Variants in CCSER1 observed in about 807,000 individuals in gnomAD.
CCSER1 encodes the protein serine-rich coiled-coil domain-containing protein 1.
A neutral mutation model predicts 82.0 loss-of-function variants in CCSER1; 41 were observed. The observed-to-expected ratio is 0.50, with a 90% CI of 0.39 to 0.65. The LOEUF (loss-of-function observed/expected upper bound fraction) is 0.65, where lower values mean the gene tolerates loss of function less well. CCSER1 is among the 30% of genes least tolerant of loss of function. The pLI is 0.00. For missense variants in CCSER1, 1,119 were observed against 1,064.2 expected (o/e 1.05, Z -0.72); for synonymous variants, 414 against 383.9 (o/e 1.08, Z -0.92).
intron 7 of CCSER1, among the ~76,000 whole-genome samples, chr4:90,758,357 GA>G (rs76308192): frequency 0.059 from 9,040 of 152,052 alleles, 296 homozygotes; most frequent in East Asian, 0.15. Context: ...GCTAATGGGG[GA>G]AATAACAGTA....
At chr4:90,997,394 G>T (rs1041221275) in intron 9 of CCSER1, among the ~76,000 whole-genome samples, 3 of 152,076 alleles carry the variant, frequency 2.0e-5, no homozygotes. Flanking sequence ...GTATTCTTGT[G>T]AACACTTTGG....
chr4:90,589,044 A>T lies in CCSER1; in HGVS notation c.1725-38981A>T, dbSNP rs1215413959. Among the ~76,000 whole-genome samples, 4 of 152,312 alleles carry T rather than the reference A, an allele frequency of 2.6e-5. No homozygotes were observed. The East Asian group carries it at 7.7e-4, about 29-fold the overall frequency. Reference sequence around the variant, plus strand: ...AATGGAGTCCCTATCCATAAAATTGATTACAATCTAATATGGATTTGTGCA... The same window carrying T: ...AATGGAGTCCCTATCCATAAAATTGTTTACAATCTAATATGGATTTGTGCA... On this transcript the variant is annotated intron_variant, in intron 5 of 10. Transcript: ENST00000509176.
chr4:91,456,535 C>G (rs1340137474), intron 10 of CCSER1, among the ~76,000 whole-genome samples: 1 of 151,862 alleles, frequency 6.6e-6, no homozygotes, highest in Non-Finnish European at 1.5e-5. Context: ...AACTTGAAAG[C>G]CATATTTGCC....
intron 10 of CCSER1, among the ~76,000 whole-genome samples, chr4:91,472,793 G>T (rs545382102): frequency 2.0e-5 from 3 of 152,134 alleles, no homozygotes; most frequent in Non-Finnish European, 4.4e-5. Flanking sequence ...ACAATAGTGT[G>T]TCAGGAGACT....
intron 8 of CCSER1, among the ~76,000 whole-genome samples, chr4:90,851,301 C>CA (rs1763856011): frequency 6.6e-6 from 1 of 152,130 alleles, no homozygotes; most frequent in Non-Finnish European, 1.5e-5. Flanking sequence ...AGCCAAAACA[C>CA]AAAAGAACTC....
intron 10 of CCSER1, among the ~76,000 whole-genome samples, chr4:91,455,366 A>G (rs1053634429): frequency 6.6e-6 from 1 of 152,104 alleles, no homozygotes; most frequent in South Asian, 2.1e-4. Context: ...TAGCATTAAC[A>G]GGTGGGGTCT....
At chr4:90,185,165 G>A (rs1286456545) in intron 1 of CCSER1, among the ~76,000 whole-genome samples, 1 of 151,992 alleles carries the variant, frequency 6.6e-6, no homozygotes, top group African/African-American at 2.4e-5. Flanking sequence ...CAATATGTGC[G>A]GATTAGGGAT....
At chr4:90,610,519 C>CT (rs941997476) in intron 5 of CCSER1, among the ~76,000 whole-genome samples, 1 of 151,988 alleles carries the variant, frequency 6.6e-6, no homozygotes, top group Non-Finnish European at 1.5e-5. Flanking sequence ...TATTTTAGCT[C>CT]TTTTTGCTTT....
At chr4:90,368,502 G>T (rs1746696781) in intron 3 of CCSER1, among the ~76,000 whole-genome samples, 1 of 151,638 alleles carries the variant, frequency 6.6e-6, no homozygotes, top group South Asian at 2.1e-4. Flanking sequence ...GCATTGTGGT[G>T]TGCACCTGTA....
chr4:90,750,876 TAA>T (rs1748517178), intron 7 of CCSER1, among the ~76,000 whole-genome samples: 1 of 152,178 alleles, frequency 6.6e-6, no homozygotes, highest in South Asian at 2.1e-4. Context: ...CACTAGTCAT[TAA>T]GTGTTTAAGA....
At chr4:90,457,245 G>A (rs894452575) in intron 4 of CCSER1, among the ~76,000 whole-genome samples, 10 of 152,168 alleles carry the variant, frequency 6.6e-5, no homozygotes, top group South Asian at 2.1e-4. Flanking sequence ...ACTGCAGAAC[G>A]CCAAATAGCG....
chr4:90,996,474 T>A (rs940863319), intron 9 of CCSER1, among the ~76,000 whole-genome samples: 3 of 152,124 alleles, frequency 2.0e-5, no homozygotes, highest in Non-Finnish European at 4.4e-5. Context: ...GGACCTGTCA[T>A]GAAGAAGAAA....
chr4:91,564,227 CT>C (rs1226421625), intron 10 of CCSER1, among the ~76,000 whole-genome samples: 2 of 151,414 alleles, frequency 1.3e-5, no homozygotes, highest in Non-Finnish European at 3.0e-5. Flanking sequence ...TAATCTCGTT[CT>C]TTTTTTTATG....
intron 10 of CCSER1, among the ~76,000 whole-genome samples, chr4:91,425,474 T>C (rs1239493820): frequency 6.6e-6 from 1 of 152,136 alleles, no homozygotes; most frequent in Non-Finnish European, 1.5e-5. Flanking sequence ...TTATGTAATA[T>C]GTATTATAAT....
At chr4:90,640,535 G>C (rs563222884) in intron 6 of CCSER1, among the ~76,000 whole-genome samples, 1 of 152,140 alleles carries the variant, frequency 6.6e-6, no homozygotes, top group Non-Finnish European at 1.5e-5. Flanking sequence ...ATCTAGCATA[G>C]TGATCACAGG....
chr4:90,281,910 C>G (rs1728932801), intron 1 of CCSER1, among the ~76,000 whole-genome samples: 1 of 152,042 alleles, frequency 6.6e-6, no homozygotes, highest in Non-Finnish European at 1.5e-5. Flanking sequence ...CATGGGAATA[C>G]CCGTGATTGA....
chr4:91,537,925 A>G (rs1211100454), intron 10 of CCSER1, among the ~76,000 whole-genome samples: 1 of 151,992 alleles, frequency 6.6e-6, no homozygotes, highest in East Asian at 1.9e-4. Flanking sequence ...CCCTGGTTCT[A>G]TATTCTTTAA....
At chr4:91,014,710 C>G (rs1739277375) in intron 9 of CCSER1, among the ~76,000 whole-genome samples, 1 of 152,166 alleles carries the variant, frequency 6.6e-6, no homozygotes, top group South Asian at 2.1e-4. Flanking sequence ...TAATAGAAAT[C>G]TACTTCACAC....
At chr4:90,551,979 A>G (rs1001166610) in intron 5 of CCSER1, among the ~76,000 whole-genome samples, 2 of 152,038 alleles carry the variant, frequency 1.3e-5, no homozygotes, top group African/African-American at 4.8e-5. Context: ...TGGCACCTTG[A>G]TGTTGCATCC....
Sources: allele counts gnomAD v4.1 joint callset (sites outside exome capture counted in the v4.1 genomes callset), GRCh38; gene constraint gnomAD v4.1.1; transcripts MANE v1.5; gene names NCBI Gene and HGNC (gene_info 2026-07-23, HGNC 2026-07-21).